VPS11: variants seen among roughly 807,000 people sequenced by gnomAD.
VPS11 encodes VPS11 core subunit of CORVET and HOPS complexes, also known as vacuolar protein sorting-associated protein 11 homolog.
A neutral mutation model predicts 106.8 loss-of-function variants in VPS11; 51 were observed. That is an observed-to-expected ratio of 0.48 (90% CI 0.38 to 0.60). The LOEUF is 0.60. VPS11 is among the 20% of genes least tolerant of loss of function. The pLI is 0.00. For synonymous variants in VPS11, 453 were observed against 458.7 expected, an observed-to-expected ratio of 0.99 and a Z score of 0.16; for missense variants, 950 against 1,190.0, an observed-to-expected ratio of 0.80 and a Z score of 2.97.
At chr11:119,069,683 C>CT in intron 3 of VPS11, 106 bp downstream of exon 3, 3 of 1,484,910 alleles carry the variant, frequency 2.0e-6, no homozygotes, top group Non-Finnish European at 2.8e-6. Flanking sequence ...TTGTACTGAA[C>CT]TGAGGCCTTT....
chr11:119,073,619 C>T, intron 6 of VPS11, 181 bp from the exon 7 acceptor site: 1 of 893,602 alleles, frequency 1.1e-6, no homozygotes, highest in Non-Finnish European at 1.7e-6. Flanking sequence ...ACTTTGTTTC[C>T]AGAGAACCTT....
chr11:119,070,246 G>A lies in VPS11; in HGVS notation c.485G>A (p.Gly162Asp). ...LNFMAIGFTD[G>D]SVTLNKGDIT... Reference sequence around the variant, plus strand: ...TGTTTTCTTACAGGTTTCACAGATGGCAGTGTTACATTGAACAAAGGAGAC... The same window carrying A: ...TGTTTTCTTACAGGTTTCACAGATGACAGTGTTACATTGAACAAAGGAGAC... Residue 162 changes from glycine (G) to aspartate (D), a missense_variant, in exon 4 of 16, where the codon GGC becomes GAC. By Grantham distance (94) the Gly-to-Asp change is moderately conservative. Transcript: ENST00000621676. 6.2e-7 allele frequency: 1 copy of A among 1,610,264 alleles called. No individual in the cohort carries two copies. Among genetic ancestry groups the A allele is most frequent in the Non-Finnish European group, 8.5e-7 (1 of 1,177,572 alleles).
intron 1 of VPS11, among the ~76,000 whole-genome samples, chr11:119,068,436 C>CT (rs1945205490): frequency 1.3e-5 from 1 of 74,394 alleles, no homozygotes; most frequent in African/African-American, 4.4e-5. Flanking sequence ...AAATTCTGGC[C>CT]TTTTTACCTT....
intron 5 of VPS11, 95 bp downstream of exon 5, chr11:119,071,938 T>G: frequency 6.9e-7 from 1 of 1,459,660 alleles, no homozygotes; most frequent in Non-Finnish European, 9.2e-7. Flanking sequence ...ACTGCCAATC[T>G]CCTACTCCTA....
rs782264612 is a variant in VPS11, at chr11:119,081,173, C to T, written c.2520C>T (p.His840=). The change falls in exon 15 of 16, where the codon CAC becomes CAT. Residue 840 remains histidine, a synonymous_variant. Coordinates refer to ENST00000621676, the MANE Select transcript of VPS11 (RefSeq NM_021729.6). ...CCTCAGTCCACTTCCTGTGTGGCCA[C>T]TCCTTCCACCAACACTGCTTTGAGA... ...ELPSVHFLCG[H]SFHQHCFESY... is the part of the protein sequence containing the mutation. 8.1e-6 allele frequency: 13 copies of T among 1,614,062 alleles called. No homozygotes were observed. The highest frequency in any genetic ancestry group is 1.6e-4 in the Middle Eastern group (1 of 6,062).
At position 119,068,246 on chromosome 11, in the gene VPS11, G is replaced by A. The variant is rs1786685; in HGVS notation, c.187+236G>A. ...CTGGGTTTTAATTTCCTTATCTGTA[G>A]GAGATGTGTGCATGCCAATTTGACG... is the stretch of plus-strand genomic sequence containing the variant. On this transcript the variant is annotated intron_variant, in intron 1 of 15. Coordinates refer to ENST00000621676, the MANE Select transcript of VPS11 (RefSeq NM_021729.6). 174,627 of 444,958 alleles carry A rather than the reference G, an allele frequency of 0.39. 35,719 individuals carry two copies. Among genetic ancestry groups the A allele is most frequent in the African/African-American group, 0.52 (25,783 of 49,662 alleles). The allele number at this position is 444,958 out of a possible 1,614,324, so 27.6% of individuals were successfully genotyped here.
At position 119,067,881 on chromosome 11, in the gene VPS11, G is replaced by A. The variant is rs2133639415; in HGVS notation, c.58G>A (p.Glu20Lys). The change falls in exon 1 of 16, where the codon GAG (glutamate) becomes AAG (lysine). Residue 20 changes from glutamate (E) to lysine (K), a missense_variant. Physicochemically the swap from Glu to Lys is moderately conservative, Grantham distance 56. Around this residue, in one of 3 missense-constraint regions of VPS11, gnomAD observed 62 missense variants for 45.1 expected, o/e 1.37. Coordinates refer to ENST00000621676, the MANE Select transcript of VPS11 (RefSeq NM_021729.6). ...FVFFDKELVKEPLSNDGAAPG... is the reference protein window; with the variant it reads ...FVFFDKELVKKPLSNDGAAPG... ...TTTCTTCGACAAGGAGCTGGTGAAG[G>A]AGCCGCTGAGCAATGATGGGGCCGC... 1.9e-6 allele frequency: 3 copies of A among 1,581,964 alleles called. No individual in the cohort carries two copies. The highest frequency in any genetic ancestry group is 1.1e-5 in the South Asian group (1 of 87,046).
intron 7 of VPS11, chr11:119,076,696 G>T: frequency 1.7e-6 from 1 of 584,824 alleles, no homozygotes; most frequent in South Asian, 2.5e-5. Flanking sequence ...CAGTGCTCTG[G>T]AGCCTTGTTA....
At chr11:119,069,937 G>T (rs1327361324) in intron 3 of VPS11, among the ~76,000 whole-genome samples, 1 of 151,928 alleles carries the variant, frequency 6.6e-6, no homozygotes, top group Non-Finnish European at 1.5e-5. Flanking sequence ...GGCGGAGTTT[G>T]CAGTGAGCCA....
In VPS11 at chr11:119,077,630, C is replaced by A; in HGVS notation, c.1555C>A (p.Gln519Lys). The change falls in exon 9 of 16, where the codon CAG (glutamine) becomes AAG (lysine). Residue 519 changes from glutamine (Q) to lysine (K), a missense_variant. Transcript: ENST00000621676. ...HAHHEWYLKI[Q>K]LEDIKNYQEA... ...ACATCATGAGTGGTACCTGAAGATC[C>A]AGCTAGAAGACATTAAGGTAGGTGA... The A allele has an allele frequency of 6.2e-7, 1 of 1,604,948 alleles. No homozygotes were observed.
Position 119,081,852 on chromosome 11 carries a change from G to A in VPS11, c.*229G>A. ...TAGATCATTCCAGATCAGTGGGGGA[G>A]GGCACCTCAGCAACCTCTGAGTGTG... On this transcript the variant is annotated 3_prime_UTR_variant, in exon 16 of 16. Transcript: ENST00000621676. 1 of 567,234 alleles carries A rather than the reference G, an allele frequency of 1.8e-6. No individual in the cohort carries two copies. Among genetic ancestry groups the A allele is most frequent in the Non-Finnish European group, 3.0e-6 (1 of 332,078 alleles). 35.1% of individuals were successfully genotyped at this position (567,234 alleles called of 1,614,324 possible).
At chr11:119,074,299 T>C (rs1945515919) in intron 7 of VPS11, among the ~76,000 whole-genome samples, 1 of 152,210 alleles carries the variant, frequency 6.6e-6, no homozygotes, top group South Asian at 2.1e-4. Context: ...TTAGCCAGGC[T>C]GGTCATGAAC....
intron 1 of VPS11, among the ~76,000 whole-genome samples, chr11:119,068,633 A>G (rs1945222010): frequency 6.6e-6 from 1 of 151,836 alleles, no homozygotes; most frequent in African/African-American, 2.4e-5. Context: ...TTTTCAGTAG[A>G]GACGGGGTTT....
intron 14 of VPS11, 83 bp downstream of exon 14, chr11:119,079,383 A>G (rs1592199558): frequency 7.0e-7 from 1 of 1,437,284 alleles, no homozygotes. Flanking sequence ...CTTTCCGTAG[A>G]GGATACTATG....
chr11:119,077,690 T>C (rs377499674), intron 9 of VPS11, 43 bp downstream of exon 9: 30 of 1,557,040 alleles, frequency 1.9e-5, no homozygotes, highest in Middle Eastern at 1.9e-4. Flanking sequence ...AGGGTCTCAC[T>C]ATGTTGCCCA....
chr11:119,074,610 C>T (rs1945531085), intron 7 of VPS11, among the ~76,000 whole-genome samples: 1 of 151,948 alleles, frequency 6.6e-6, no homozygotes, highest in African/African-American at 2.4e-5. Flanking sequence ...TCACCACGTT[C>T]TCTAGGCTGG....
chr11:119,074,646 C>T (rs1461439882), intron 7 of VPS11, among the ~76,000 whole-genome samples: 3 of 152,194 alleles, frequency 2.0e-5, no homozygotes, highest in African/African-American at 7.2e-5. Context: ...CTCAGGCAAT[C>T]TGCCTGCCTC....
intron 6 of VPS11, 169 bp downstream of exon 6, chr11:119,073,568 G>C: frequency 1.1e-6 from 1 of 948,148 alleles, no homozygotes; most frequent in Non-Finnish European, 1.5e-6. Flanking sequence ...GGGCTTTAGA[G>C]GGAAGTAGTG....
chr11:119,073,080 G>C (rs1226501616), intron 5 of VPS11, 118 bp from the exon 6 acceptor site: 2 of 1,153,398 alleles, frequency 1.7e-6, no homozygotes, highest in African/African-American at 3.1e-5. Context: ...TGGGATGAGA[G>C]GGACCAGAGA....
Sources: gnomAD v4.1 joint callset for allele counts (sites outside exome capture counted in the v4.1 genomes callset) on GRCh38, gnomAD v4.1.1 for gene constraint, gnomAD v4.1.1 regional missense constraint, MANE v1.5 for transcripts, NCBI Gene and HGNC (gene_info 2026-07-23, HGNC 2026-07-21) for gene names.